The following RBFOX1 variants were observed in gnomAD, a reference collection of about 807,000 sequenced individuals.
The protein encoded by RBFOX1 is RNA binding fox-1 homolog 1.
Under a neutral mutation model 57.7 loss-of-function variants are expected in RBFOX1, and 8 were observed. The observed-to-expected ratio is 0.14, with a 90% CI of 0.08 to 0.25. The LOEUF is 0.25. RBFOX1 is among the 10% of genes least tolerant of loss of function. The pLI is 1.00. For synonymous variants in RBFOX1, 326 were observed against 222.4 expected (o/e 1.47, Z -4.15); for missense variants, 611 against 548.5 (o/e 1.11, Z -1.14).
intron 3 of RBFOX1, among the ~76,000 whole-genome samples, chr16:6,756,637 A>T (rs532572643): frequency 6.6e-6 from 1 of 152,136 alleles, no homozygotes; most frequent in Non-Finnish European, 1.5e-5. Flanking sequence ...TAATAATCCC[A>T]TTTAAAAATG....
At chr16:6,877,093 C>G (rs890602055) in intron 3 of RBFOX1, among the ~76,000 whole-genome samples, 2 of 152,148 alleles carry the variant, frequency 1.3e-5, no homozygotes, top group Non-Finnish European at 2.9e-5. Context: ...TGGTGCTTAA[C>G]AAGCATAGGC....
At chr16:5,446,635 C>A (rs979661053) in intron 1 of RBFOX1, among the ~76,000 whole-genome samples, 1 of 152,122 alleles carries the variant, frequency 6.6e-6, no homozygotes, top group Admixed American at 6.5e-5. Context: ...GTGGATTTCT[C>A]TGGCAGGTAG....
chr16:7,353,736 A>G (rs543186666), intron 4 of RBFOX1, among the ~76,000 whole-genome samples: 3 of 152,348 alleles, frequency 2.0e-5, no homozygotes, highest in African/African-American at 7.2e-5. Context: ...TTCGATTTAT[A>G]TGAAATGTTC....
chr16:5,321,597 G>A (rs192423059), intron 1 of RBFOX1, among the ~76,000 whole-genome samples: 3 of 152,250 alleles, frequency 2.0e-5, no homozygotes, highest in East Asian at 1.9e-4. Flanking sequence ...GATTACAGGC[G>A]TGAGCCACAG....
chr16:5,739,814 C>T (rs1467975663), intron 3 of RBFOX1, among the ~76,000 whole-genome samples: 2 of 152,244 alleles, frequency 1.3e-5, no homozygotes, highest in African/African-American at 4.8e-5. Context: ...TCTCCATCTG[C>T]ACGTGTCTGT....
At chr16:6,467,014 A>T (rs1250736864) in intron 2 of RBFOX1, among the ~76,000 whole-genome samples, 1 of 151,302 alleles carries the variant, frequency 6.6e-6, no homozygotes, top group Non-Finnish European at 1.5e-5. Context: ...AATGAAATAT[A>T]ATAAAGTTTA....
chr16:5,991,036 T>G (rs941068983), intron 4 of RBFOX1, among the ~76,000 whole-genome samples: 36 of 151,274 alleles, frequency 2.4e-4, no homozygotes, highest in Admixed American at 1.3e-4. Flanking sequence ...ATAAAAAAAA[T>G]GTTTTAATGG....
In RBFOX1 at chr16:6,167,965, C is replaced by A. The variant is rs149798005; in HGVS notation, c.-127+147973C>A. Among the ~76,000 whole-genome samples, 392 of 152,262 alleles carry A rather than the reference C, an allele frequency of 2.6e-3. 2 individuals are homozygous for A. The highest frequency in any genetic ancestry group is 9.0e-3 in the African/African-American group (376 of 41,552). The stretch of plus-strand genomic sequence containing the variant: ...GGTCATTTATAAACTCCACCCATGG[C>A]AAAATCCAATTATAAACTTTAACCT... On this transcript the variant is annotated intron_variant, in intron 1 of 15. Coordinates refer to ENST00000550418, the MANE Select transcript of RBFOX1 (RefSeq NM_018723.4).
chr16:5,853,756 G>A (rs116043496), intron 3 of RBFOX1, among the ~76,000 whole-genome samples: 1 of 152,108 alleles, frequency 6.6e-6, no homozygotes, highest in East Asian at 1.9e-4. Context: ...ATTTCAAATT[G>A]TGGCTTTTCT....
At chr16:7,436,999 T>G (rs1483554220) in intron 4 of RBFOX1, among the ~76,000 whole-genome samples, 1 of 152,172 alleles carries the variant, frequency 6.6e-6, no homozygotes, top group Non-Finnish European at 1.5e-5. Flanking sequence ...GAGAATCTCT[T>G]AAACCCAGGA....
At chr16:6,003,898 A>G (rs985835337) in intron 4 of RBFOX1, among the ~76,000 whole-genome samples, 1 of 152,342 alleles carries the variant, frequency 6.6e-6, no homozygotes, top group Admixed American at 6.5e-5. Flanking sequence ...ATTTATTAAG[A>G]GAGTCCACAA....
intron 10 of RBFOX1, among the ~76,000 whole-genome samples, chr16:7,612,042 C>T (rs1046724562): frequency 5.3e-5 from 8 of 152,224 alleles, no homozygotes; most frequent in East Asian, 1.9e-4. Flanking sequence ...AAATGATTTG[C>T]CGGGCGCGGT....
intron 4 of RBFOX1, among the ~76,000 whole-genome samples, chr16:7,360,065 G>A (rs989470046): frequency 1.3e-5 from 2 of 152,054 alleles, no homozygotes; most frequent in African/African-American, 2.4e-5. Context: ...TCTTTCTATA[G>A]TTGAAACAAC....
intron 1 of RBFOX1, among the ~76,000 whole-genome samples, chr16:5,373,222 G>A (rs1424122686): frequency 6.6e-6 from 1 of 152,150 alleles, no homozygotes; most frequent in Non-Finnish European, 1.5e-5. Context: ...TCTAGGTGTC[G>A]TGTTACTGGG....
intron 1 of RBFOX1, among the ~76,000 whole-genome samples, chr16:6,230,663 C>G (rs1255365185): frequency 1.3e-5 from 2 of 152,170 alleles, no homozygotes; most frequent in East Asian, 3.8e-4. Flanking sequence ...TTAATTTCTT[C>G]ACGCATAACA....
At position 7,510,117 on chromosome 16, in the gene RBFOX1, CAG is replaced by C. The variant is rs2074602722; in HGVS notation, c.28-8029_28-8028del. 6 of 985,600 alleles carry C rather than the reference CAG, an allele frequency of 6.1e-6. No homozygotes were observed. In the African/African-American group the frequency reaches 7.0e-5, roughly 11 times the overall value. The allele number at this position is 985,600 out of a possible 1,614,324, so 61.1% of individuals were successfully genotyped here. Reference sequence around the variant, plus strand: ...GTGCCATCTGGGTTGGTTTTGGGAGCAGTCAGATGTTGAGGGGGAGGTCAGCC... The same window carrying C: ...GTGCCATCTGGGTTGGTTTTGGGAGCTCAGATGTTGAGGGGGAGGTCAGCC... On this transcript the variant is annotated intron_variant, in intron 4 of 15. Transcript: ENST00000550418.
At chr16:7,188,129 C>T (rs2084383460) in intron 4 of RBFOX1, among the ~76,000 whole-genome samples, 1 of 152,128 alleles carries the variant, frequency 6.6e-6, no homozygotes, top group Non-Finnish European at 1.5e-5. Context: ...TTTGGAAGAT[C>T]AGCCAACTCA....
intron 1 of RBFOX1, among the ~76,000 whole-genome samples, chr16:6,157,463 G>C (rs1329625517): frequency 1.3e-5 from 2 of 152,140 alleles, no homozygotes; most frequent in Non-Finnish European, 2.9e-5. Flanking sequence ...TATCTGAAGT[G>C]CAAATTTAGC....
chr16:7,604,041 C>G (rs2095176164), intron 9 of RBFOX1, among the ~76,000 whole-genome samples: 1 of 152,036 alleles, frequency 6.6e-6, no homozygotes, highest in Non-Finnish European at 1.5e-5. Flanking sequence ...AAGGGAAGGA[C>G]TTTTCAAGTT....
Sources: allele counts gnomAD v4.1 joint callset (sites outside exome capture counted in the v4.1 genomes callset), GRCh38; gene constraint gnomAD v4.1.1; transcripts MANE v1.5; gene names NCBI Gene and HGNC (gene_info 2026-07-23, HGNC 2026-07-21).